Variants in SNRPN observed in about 807,000 individuals in gnomAD.
SNRPN encodes small nuclear ribonucleoprotein polypeptide N.
In SNRPN, 7 loss-of-function variants were observed where a neutral mutation model predicts 25.2. That is an observed-to-expected ratio of 0.28 (90% CI 0.16 to 0.52). The LOEUF (loss-of-function observed/expected upper bound fraction) is 0.52. Among genes scored for constraint, SNRPN ranks in the 20% least tolerant of loss-of-function variants. The pLI is 0.96. For synonymous variants in SNRPN, 124 were observed against 110.6 expected (o/e 1.12, Z -0.76); for missense variants, 196 against 322.5 (o/e 0.61, Z 3.00).
At chr15:24,912,840 C>T (rs527306951) in intron 2 of SNRPN, among the ~76,000 whole-genome samples, 5 of 152,290 alleles carry the variant, frequency 3.3e-5, no homozygotes, top group Non-Finnish European at 5.9e-5. Flanking sequence ...ACAGCAGCCC[C>T]GTTTAGACCT....
chr15:24,898,523 G>A (rs892347698), intron 2 of SNRPN, among the ~76,000 whole-genome samples: 5 of 151,918 alleles, frequency 3.3e-5, no homozygotes, highest in Non-Finnish European at 7.4e-5. Flanking sequence ...GGGAGGCAGA[G>A]GTTGCAATGA....
At chr15:24,900,098 T>G (rs1218629447) in intron 2 of SNRPN, among the ~76,000 whole-genome samples, 1 of 152,176 alleles carries the variant, frequency 6.6e-6, no homozygotes, top group Non-Finnish European at 1.5e-5. Flanking sequence ...AACACGTGCC[T>G]TGGGAGCCCG....
chr15:24,895,196 G>A (rs2057998963), intron 2 of SNRPN, among the ~76,000 whole-genome samples: 1 of 152,092 alleles, frequency 6.6e-6, no homozygotes, highest in African/African-American at 2.4e-5. Context: ...TCTCACATGA[G>A]GGTTTTATTA....
intron 1 of SNRPN, among the ~76,000 whole-genome samples, chr15:24,876,054 A>C (rs1471814809): frequency 1.7e-5 from 1 of 57,734 alleles, no homozygotes; most frequent in African/African-American, 4.6e-5. Context: ...ACTTTGTCTC[A>C]AAAAAAAAAG....
intron 2 of SNRPN, chr15:24,850,046 G>A (rs2052670574): frequency 6.6e-6 from 1 of 152,156 alleles, no homozygotes; most frequent in African/African-American, 2.4e-5. Context: ...GAACAGAGAT[G>A]GTAATGAAGC....
At chr15:24,839,657 A>C (rs1220382417) in intron 2 of SNRPN, among the ~76,000 whole-genome samples, 1 of 152,082 alleles carries the variant, frequency 6.6e-6, no homozygotes, top group African/African-American at 2.4e-5. Flanking sequence ...TATTCTGACA[A>C]ATGATGATGA....
chr15:24,926,057 A>G (rs1005967061), intron 3 of SNRPN, among the ~76,000 whole-genome samples: 2 of 152,046 alleles, frequency 1.3e-5, no homozygotes, highest in Non-Finnish European at 2.9e-5. Flanking sequence ...ATCTTTTTGT[A>G]GAGATGGGAT....
chr15:24,928,307 CA>C (rs2060554237), intron 3 of SNRPN, among the ~76,000 whole-genome samples: 1 of 151,896 alleles, frequency 6.6e-6, no homozygotes, highest in South Asian at 2.1e-4. Flanking sequence ...TCACGATAGC[CA>C]AGATATGGAA....
rs1258792730 is a variant in SNRPN at position 24,873,318 on chromosome 15, T to C, written c.-578-13198T>C. Among the ~76,000 whole-genome samples, 5 of 115,286 alleles carry C rather than the reference T, an allele frequency of 4.3e-5. 2 individuals are homozygous for C. Among genetic ancestry groups the C allele is most frequent in the African/African-American group, 1.5e-4 (5 of 33,846 alleles). 75.6% of individuals were successfully genotyped at this position (115,286 alleles called of 152,430 possible). On this transcript the variant is annotated intron_variant, in intron 1 of 11. Coordinates refer to the SNRPN transcript ENST00000400097. ...CAACCACAAAATCAAGACTCTTCTT[T>C]TGTTTTTGTTTCTTTTTTTTTTTTT... is the stretch of plus-strand genomic sequence containing the variant.
chr15:24,952,743 A>G (rs957109865), upstream of SNRPN, among the ~76,000 whole-genome samples: 4 of 152,182 alleles, frequency 2.6e-5, no homozygotes, highest in Admixed American at 2.0e-4. Context: ...ATTTAATTTT[A>G]ATAATACTTT....
intron 3 of SNRPN, among the ~76,000 whole-genome samples, chr15:24,922,768 A>G (rs1289038522): frequency 6.6e-6 from 1 of 151,264 alleles, no homozygotes; most frequent in Non-Finnish European, 1.5e-5. Context: ...TATATAATAT[A>G]TACAGCATGT....
intron 3 of SNRPN, among the ~76,000 whole-genome samples, chr15:24,945,708 T>G (rs1452416831): frequency 6.6e-6 from 1 of 152,206 alleles, no homozygotes; most frequent in African/African-American, 2.4e-5. Flanking sequence ...TGGTGCATTC[T>G]CAAGAGTAGG....
chr15:24,940,130 A>G (rs1011913284), intron 3 of SNRPN, among the ~76,000 whole-genome samples: 1 of 152,064 alleles, frequency 6.6e-6, no homozygotes, highest in Non-Finnish European at 1.5e-5. Context: ...CATCTTATCA[A>G]ATATATGATT....
At chr15:24,942,823 G>A (rs1441972139) in intron 3 of SNRPN, among the ~76,000 whole-genome samples, 1 of 152,118 alleles carries the variant, frequency 6.6e-6, no homozygotes, top group Admixed American at 6.5e-5. Flanking sequence ...CCATAGTTAG[G>A]TTGGTCTTGG....
intron 2 of SNRPN, among the ~76,000 whole-genome samples, chr15:24,836,818 A>G (rs2051241094): frequency 6.6e-6 from 1 of 152,136 alleles, no homozygotes; most frequent in East Asian, 1.9e-4. Flanking sequence ...ATTTAGAAGT[A>G]TGATTGGAGG....
intron 1 of SNRPN, among the ~76,000 whole-genome samples, chr15:24,958,534 T>A (rs1172418755): frequency 7.8e-6 from 1 of 127,972 alleles, no homozygotes; most frequent in Admixed American, 9.3e-5. Context: ...TAGACCAGGG[T>A]CTCCCTATGT....
At chr15:24,881,751 T>C (rs921460285) in intron 1 of SNRPN, among the ~76,000 whole-genome samples, 3 of 152,232 alleles carry the variant, frequency 2.0e-5, no homozygotes, top group Non-Finnish European at 4.4e-5. Context: ...CATCTAGATT[T>C]TGAAGTCATT....
chr15:24,943,568 C>G (rs951524755), intron 3 of SNRPN, among the ~76,000 whole-genome samples: 5 of 152,024 alleles, frequency 3.3e-5, no homozygotes, highest in African/African-American at 1.2e-4. Flanking sequence ...AAGATAACAC[C>G]CAGTTCATGA....
At chr15:24,849,174 A>C (rs983755056) in intron 2 of SNRPN, 1 of 151,950 alleles carries the variant, frequency 6.6e-6, no homozygotes, top group Non-Finnish European at 1.5e-5. Context: ...TTCGTGATCC[A>C]CCCGCCTCAG....
Sources: gnomAD v4.1 joint callset for allele counts (sites outside exome capture counted in the v4.1 genomes callset) on GRCh38, gnomAD v4.1.1 for gene constraint, MANE v1.5 for transcripts, NCBI Gene and HGNC (gene_info 2026-07-23, HGNC 2026-07-21) for gene names.